PALM2AKAP2: variants seen among roughly 807,000 people sequenced by gnomAD.
PALM2AKAP2 encodes the protein PALM2-AKAP2 fusion protein.
A neutral mutation model predicts 71.5 loss-of-function variants in PALM2AKAP2; 37 were observed. That is an observed-to-expected ratio of 0.52 (90% confidence interval 0.40 to 0.68). The LOEUF is 0.68. Ranked by LOEUF, PALM2AKAP2 falls within the 30% of genes least tolerant of loss-of-function variation. The probability of loss-of-function intolerance (pLI) is 0.00; values close to 1 mark genes in which losing one functional copy is unlikely to be tolerated. For missense variants in PALM2AKAP2, 1,224 were observed against 1,191.8 expected, an observed-to-expected ratio of 1.03 and a Z score of -0.40; for synonymous variants, 468 against 478.8, an observed-to-expected ratio of 0.98 and a Z score of 0.29.
At chr9:109,888,812 G>A (rs1830024545) in intron 3 of PALM2AKAP2, among the ~76,000 whole-genome samples, 1 of 152,066 alleles carries the variant, frequency 6.6e-6, no homozygotes, top group South Asian at 2.1e-4. Context: ...GACATTTAGG[G>A]CTGGATAGTT....
chr9:110,088,028 A>C (rs1834612202), intron 1 of PALM2AKAP2, among the ~76,000 whole-genome samples: 1 of 152,224 alleles, frequency 6.6e-6, no homozygotes, highest in South Asian at 2.1e-4. Flanking sequence ...GAGGGTGTCC[A>C]GGTTCTTGGC....
chr9:110,080,820 A>G (rs1380075042), intron 1 of PALM2AKAP2, among the ~76,000 whole-genome samples: 2 of 152,178 alleles, frequency 1.3e-5, no homozygotes, highest in East Asian at 1.9e-4. Flanking sequence ...CTGGGATTAC[A>G]GGCACCCGCC....
At chr9:109,647,912 C>T (rs993766422) in intron 1 of PALM2AKAP2, among the ~76,000 whole-genome samples, 6 of 152,144 alleles carry the variant, frequency 3.9e-5, no homozygotes, top group African/African-American at 1.4e-4. Flanking sequence ...ACTTAGCCCC[C>T]CTTTTACCAT....
intron 1 of PALM2AKAP2, among the ~76,000 whole-genome samples, chr9:109,854,177 G>A (rs1829092458): frequency 6.6e-6 from 1 of 152,208 alleles, no homozygotes; most frequent in Admixed American, 6.5e-5. Flanking sequence ...ACTACCAGCA[G>A]ATCAGAGCCA....
chr9:109,843,585 T>C (rs73535542), intron 1 of PALM2AKAP2, among the ~76,000 whole-genome samples: 5,300 of 152,242 alleles, frequency 0.035, 121 homozygotes, highest in Non-Finnish European at 0.042. Flanking sequence ...TGAAAAAAAT[T>C]TGAAGACCAC....
chr9:110,101,649 A>G (rs984831427), intron 1 of PALM2AKAP2, among the ~76,000 whole-genome samples: 4 of 152,144 alleles, frequency 2.6e-5, no homozygotes, highest in Non-Finnish European at 5.9e-5. Flanking sequence ...ACTGGACATC[A>G]TTGGGCAGCT....
At chr9:109,844,110 C>T in intron 1 of PALM2AKAP2, among the ~76,000 whole-genome samples, 1 of 152,214 alleles carries the variant, frequency 6.6e-6, no homozygotes, top group East Asian at 1.9e-4. Flanking sequence ...AGCTAACTAA[C>T]ATTTATTGAG....
At chr9:110,070,681 A>G (rs779468031) in intron 1 of PALM2AKAP2, among the ~76,000 whole-genome samples, 70 of 152,344 alleles carry the variant, frequency 4.6e-4, no homozygotes, top group Non-Finnish European at 8.5e-4. Flanking sequence ...TGCCTGAACT[A>G]ACTCAGATGA....
chr9:109,826,027 T>C (rs1214970210), intron 1 of PALM2AKAP2, among the ~76,000 whole-genome samples: 1 of 152,266 alleles, frequency 6.6e-6, no homozygotes, highest in East Asian at 1.9e-4. Flanking sequence ...TGGAATACTA[T>C]GCAGCCATAA....
intron 1 of PALM2AKAP2, among the ~76,000 whole-genome samples, chr9:110,119,723 C>T (rs1272968291): frequency 2.0e-5 from 3 of 152,106 alleles, no homozygotes; most frequent in South Asian, 2.1e-4. Context: ...TTTTGTGAAC[C>T]GTCTATCCAT....
At chr9:109,797,433 G>A (rs946024609) in intron 1 of PALM2AKAP2, among the ~76,000 whole-genome samples, 10 of 152,146 alleles carry the variant, frequency 6.6e-5, no homozygotes, top group Admixed American at 5.2e-4. Context: ...TCTCCCCTCC[G>A]CATGGAAAGC....
chr9:109,744,625 G>A (rs747647013), intron 1 of PALM2AKAP2, among the ~76,000 whole-genome samples: 11 of 152,114 alleles, frequency 7.2e-5, no homozygotes, highest in Non-Finnish European at 1.6e-4. Flanking sequence ...GATAGAACAA[G>A]CAAAGAACAA....
intron 6 of PALM2AKAP2, among the ~76,000 whole-genome samples, chr9:109,963,322 C>G (rs1588035168): frequency 6.6e-6 from 1 of 152,186 alleles, no homozygotes; most frequent in African/African-American, 2.4e-5. Context: ...CAGCTATAAA[C>G]TGAAAGTTCA....
intron 1 of PALM2AKAP2, among the ~76,000 whole-genome samples, chr9:110,084,985 C>T (rs1044590476): frequency 6.6e-6 from 1 of 152,140 alleles, no homozygotes; most frequent in Non-Finnish European, 1.5e-5. Flanking sequence ...TATGATCTGC[C>T]TGCCTCGGCC....
At chr9:110,002,517 C>T (rs1832699718) in intron 6 of PALM2AKAP2, among the ~76,000 whole-genome samples, 1 of 151,998 alleles carries the variant, frequency 6.6e-6, no homozygotes, top group African/African-American at 2.4e-5. Context: ...CTCTGCCAGG[C>T]TTTGGTATCA....
intron 2 of PALM2AKAP2, among the ~76,000 whole-genome samples, chr9:110,151,121 A>G (rs890009547): frequency 2.0e-5 from 3 of 152,188 alleles, no homozygotes; most frequent in African/African-American, 4.8e-5. Flanking sequence ...CTGGTTAACT[A>G]CTGTACATTA....
chr9:109,967,891 G>A (rs746600063), intron 6 of PALM2AKAP2, among the ~76,000 whole-genome samples: 1 of 152,212 alleles, frequency 6.6e-6, no homozygotes, highest in Non-Finnish European at 1.5e-5. Context: ...ACCACTTGAA[G>A]TTATTCTCCA....
upstream of PALM2AKAP2, among the ~76,000 whole-genome samples, chr9:109,776,905 C>T (rs1285526226): frequency 6.6e-6 from 1 of 152,158 alleles, no homozygotes; most frequent in Non-Finnish European, 1.5e-5. Context: ...AGGAAGTACA[C>T]ACTATTGGTC....
intron 1 of PALM2AKAP2, among the ~76,000 whole-genome samples, chr9:110,079,389 G>A (rs1174140085): frequency 3.3e-5 from 5 of 152,066 alleles, no homozygotes; most frequent in African/African-American, 9.7e-5. Flanking sequence ...CCAGCTACTC[G>A]GGAGGCTGAG....
Sources: allele counts gnomAD v4.1 joint callset (sites outside exome capture counted in the v4.1 genomes callset), GRCh38; gene constraint gnomAD v4.1.1; transcripts MANE v1.5; gene names NCBI Gene and HGNC (gene_info 2026-07-23, HGNC 2026-07-21).